Variants in ANXA8 observed in about 807,000 individuals in gnomAD.
ANXA8 encodes VAC-beta.
ANXA8 carries 9 observed loss-of-function variants against 26.8 expected under a neutral mutation model. The ratio of observed to expected loss-of-function variants is 0.34; its 90% confidence interval spans 0.20 to 0.59. The LOEUF (loss-of-function observed/expected upper bound fraction) is 0.59, where lower values mean the gene tolerates loss of function less well. Ranked by LOEUF, ANXA8 falls within the 20% of genes least tolerant of loss-of-function variation. ANXA8 has a pLI of 0.84. For synonymous variants in ANXA8, 39 were observed against 94.8 expected (o/e 0.41, Z 3.42); for missense variants, 83 against 238.5 (o/e 0.35, Z 4.29).
At chr10:47,648,844 C>T in the ANXA8 span, among the ~76,000 whole-genome samples, 1 of 44,656 alleles carries the variant, frequency 2.2e-5, no homozygotes, top group Non-Finnish European at 3.7e-5. Flanking sequence ...AAATTTCTTA[C>T]GTACTATATT....
chr10:47,489,135 A>G (rs1840101785), upstream of ANXA8, among the ~76,000 whole-genome samples: 1 of 149,990 alleles, frequency 6.7e-6, no homozygotes, highest in Non-Finnish European at 1.5e-5. Flanking sequence ...CTCCTGCCTC[A>G]GCCTCCCAAG....
chr10:47,761,176 T>A, the ANXA8 span, among the ~76,000 whole-genome samples: 1 of 150,486 alleles, frequency 6.6e-6, no homozygotes, highest in Non-Finnish European at 1.5e-5. Flanking sequence ...TGTCAGCCAG[T>A]CTGGGTTTGG....
chr10:47,645,128 AAAT>A, the ANXA8 span, among the ~76,000 whole-genome samples: 6 of 151,296 alleles, frequency 4.0e-5, no homozygotes, highest in East Asian at 1.2e-3. Flanking sequence ...ACATTTGAAA[AAAT>A]AATGTCTAAT....
At chr10:47,554,186 CTGTGG>C in the ANXA8 span, among the ~76,000 whole-genome samples, 1 of 134,658 alleles carries the variant, frequency 7.4e-6, no homozygotes, top group East Asian at 2.4e-4. Flanking sequence ...CCTGTGGTCC[CTGTGG>C]TCCCTGTGGT....
the ANXA8 span, chr10:47,564,612 G>C: frequency 8.6e-6 from 3 of 347,290 alleles, 1 homozygote; most frequent in South Asian, 1.1e-4. Context: ...TGCTTCCACA[G>C]CATGGCCATC....
the ANXA8 span, among the ~76,000 whole-genome samples, chr10:47,668,555 T>C: frequency 6.6e-6 from 1 of 151,836 alleles, no homozygotes; most frequent in South Asian, 2.1e-4. Context: ...GTGTAGTATC[T>C]TCTGTATTCT....
chr10:47,652,827 A>G, the ANXA8 span, among the ~76,000 whole-genome samples: 1 of 147,044 alleles, frequency 6.8e-6, no homozygotes, highest in East Asian at 1.9e-4. Flanking sequence ...TTAAAATTAG[A>G]TTACCAGCAT....
the ANXA8 span, among the ~76,000 whole-genome samples, chr10:47,656,196 A>C: frequency 6.6e-6 from 1 of 151,678 alleles, no homozygotes; most frequent in South Asian, 2.1e-4. Context: ...CAGGAGTTTG[A>C]AACCAGCCTG....
chr10:47,703,504 G>C, the ANXA8 span, among the ~76,000 whole-genome samples: 1 of 150,236 alleles, frequency 6.7e-6, no homozygotes, highest in Non-Finnish European at 1.5e-5. Flanking sequence ...GGAGGTTGAG[G>C]CTGCAGTGAG....
chr10:47,987,913 TC>T, the ANXA8 span, among the ~76,000 whole-genome samples: 1 of 84,118 alleles, frequency 1.2e-5, no homozygotes, highest in Non-Finnish European at 2.4e-5. Context: ...GGCGCTGGGC[TC>T]CCTGTCCCAG....
the ANXA8 span, among the ~76,000 whole-genome samples, chr10:47,675,374 C>T: frequency 6.6e-6 from 1 of 151,276 alleles, no homozygotes; most frequent in Non-Finnish European, 1.5e-5. Flanking sequence ...TTTACTTAAT[C>T]ATTCTACTCT....
intron 3 of ANXA8, among the ~76,000 whole-genome samples, 194 bp from the exon 4 acceptor site, chr10:47,477,388 C>A (rs1410264045): frequency 6.7e-6 from 1 of 149,400 alleles, no homozygotes; most frequent in Non-Finnish European, 1.5e-5. Context: ...CGGAGAGAAA[C>A]GTGCTCCTGC....
chr10:47,487,046 G>A (rs1328076771), upstream of ANXA8, among the ~76,000 whole-genome samples: 1 of 151,350 alleles, frequency 6.6e-6, no homozygotes, highest in Non-Finnish European at 1.5e-5. Context: ...CCAACACATA[G>A]TAATACCAAA....
the ANXA8 span, among the ~76,000 whole-genome samples, chr10:47,989,332 C>T: frequency 2.1e-4 from 24 of 115,438 alleles, no homozygotes; most frequent in Non-Finnish European, 3.3e-4. Flanking sequence ...CCCCAGCACT[C>T]GGGGGCTGTG....
At chr10:47,485,290 T>C (rs1840014735), upstream of ANXA8, among the ~76,000 whole-genome samples, 1 of 152,018 alleles carries the variant, frequency 6.6e-6, no homozygotes, top group Non-Finnish European at 1.5e-5. Flanking sequence ...TGTGTGTGCC[T>C]GTGCATACCT....
At chr10:47,495,758 T>A in the ANXA8 span, among the ~76,000 whole-genome samples, 2 of 148,292 alleles carry the variant, frequency 1.3e-5, no homozygotes. Context: ...GGAAGCCACG[T>A]AAACCCAAAA....
At chr10:47,669,822 T>A in the ANXA8 span, among the ~76,000 whole-genome samples, 1 of 152,142 alleles carries the variant, frequency 6.6e-6, no homozygotes, top group Non-Finnish European at 1.5e-5. Context: ...TACCCAGAAC[T>A]TATTTCTAAT....
chr10:47,942,457 T>C, the ANXA8 span, among the ~76,000 whole-genome samples: 1 of 141,664 alleles, frequency 7.1e-6, no homozygotes, highest in Non-Finnish European at 1.5e-5. Context: ...TCTGAAGGGA[T>C]GGCATTCTGT....
chr10:47,932,269 T>C, the ANXA8 span, among the ~76,000 whole-genome samples: 1 of 151,080 alleles, frequency 6.6e-6, no homozygotes, highest in Non-Finnish European at 1.5e-5. Context: ...TAACGCTTTG[T>C]TGTGGCAACC....
Sources: allele counts gnomAD v4.1 joint callset (sites outside exome capture counted in the v4.1 genomes callset), GRCh38; gene constraint gnomAD v4.1.1; transcripts MANE v1.5; gene names NCBI Gene and HGNC (gene_info 2026-07-23, HGNC 2026-07-21).